PTPRG: variants seen among roughly 807,000 people sequenced by gnomAD.
PTPRG encodes protein tyrosine phosphatase receptor type G, also known as receptor-type tyrosine-protein phosphatase gamma.
Under a neutral mutation model 165.3 loss-of-function variants are expected in PTPRG, and 102 were observed. The observed-to-expected ratio is 0.62, with a 90% CI of 0.53 to 0.73. The LOEUF is 0.73. Among genes scored for constraint, PTPRG ranks in the 30% least tolerant of loss-of-function variants. The pLI is 0.00. For synonymous variants in PTPRG, 675 were observed against 669.5 expected (o/e 1.01, Z -0.13); for missense variants, 1,866 against 1,861.4 (o/e 1.00, Z -0.05).
In PTPRG at chr3:61,667,088, C is replaced by T. The variant is rs1034010062; in HGVS notation, c.86-81790C>T. On this transcript the variant is annotated intron_variant, in intron 1 of 29. Transcript: ENST00000474889. ...GTTCCTTCCTGTTGCCTTACAGCAG[C>T]AGTAATTGCTTTAGGATGGGCTTGG... is the stretch of plus-strand genomic sequence containing the variant. 7.9e-5 allele frequency among the ~76,000 whole-genome samples: 12 copies of T among 152,286 alleles called. No individual in the cohort carries two copies. In the South Asian group the frequency reaches 2.3e-3, roughly 29 times the overall value.
At chr3:61,772,665 T>G (rs1366011397) in intron 2 of PTPRG, among the ~76,000 whole-genome samples, 1 of 152,152 alleles carries the variant, frequency 6.6e-6, no homozygotes, top group Non-Finnish European at 1.5e-5. Context: ...AAAATCCATG[T>G]TTTTAAAAAT....
chr3:61,976,256 A>G (rs758594572), intron 2 of PTPRG, among the ~76,000 whole-genome samples: 10 of 152,230 alleles, frequency 6.6e-5, no homozygotes, highest in Non-Finnish European at 1.2e-4. Context: ...GGAGAGTTCT[A>G]TCTTTAGCCC....
At chr3:62,290,363 G>T (rs1470846802) in intron 28 of PTPRG, among the ~76,000 whole-genome samples, 2 of 152,064 alleles carry the variant, frequency 1.3e-5, no homozygotes, top group Non-Finnish European at 2.9e-5. Context: ...TAACAATCTG[G>T]TTTCAAAATT....
At chr3:61,581,912 G>T (rs553216764) in intron 1 of PTPRG, among the ~76,000 whole-genome samples, 2 of 151,504 alleles carry the variant, frequency 1.3e-5, no homozygotes, top group Non-Finnish European at 2.9e-5. Flanking sequence ...CTGGCATATA[G>T]GTCCTTCTTT....
At chr3:61,939,470 G>A (rs907080732) in intron 2 of PTPRG, among the ~76,000 whole-genome samples, 8 of 152,164 alleles carry the variant, frequency 5.3e-5, no homozygotes, top group African/African-American at 1.9e-4. Context: ...TGTCATCCTA[G>A]GAAAATGCCA....
chr3:61,906,625 A>G (rs976649011), intron 2 of PTPRG, among the ~76,000 whole-genome samples: 1 of 152,104 alleles, frequency 6.6e-6, no homozygotes. Flanking sequence ...AGTAAAAAAT[A>G]AAAACCTAAC....
At chr3:61,637,309 G>A (rs764165258) in intron 1 of PTPRG, among the ~76,000 whole-genome samples, 1 of 152,130 alleles carries the variant, frequency 6.6e-6, no homozygotes, top group Non-Finnish European at 1.5e-5. Flanking sequence ...CTTATTATCA[G>A]AATGACCTTT....
intron 1 of PTPRG, among the ~76,000 whole-genome samples, chr3:61,567,068 C>A (rs1699930616): frequency 6.6e-6 from 1 of 152,150 alleles, no homozygotes; most frequent in Admixed American, 6.5e-5. Context: ...CAGAAATTAG[C>A]CCTTGGTTTG....
At chr3:62,024,515 G>A (rs1161489587) in intron 4 of PTPRG, among the ~76,000 whole-genome samples, 1 of 152,122 alleles carries the variant, frequency 6.6e-6, no homozygotes, top group African/African-American at 2.4e-5. Flanking sequence ...ATCACGCTTA[G>A]GTAGCCTGCA....
chr3:61,782,749 C>G (rs186763752), intron 2 of PTPRG, among the ~76,000 whole-genome samples: 1 of 152,258 alleles, frequency 6.6e-6, no homozygotes, highest in African/African-American at 2.4e-5. Flanking sequence ...TATGCTCTTT[C>G]ATTCATGGTA....
intron 20 of PTPRG, among the ~76,000 whole-genome samples, chr3:62,270,709 T>TC (rs1702031495): frequency 6.6e-6 from 1 of 151,988 alleles, no homozygotes; most frequent in African/African-American, 2.4e-5. Context: ...CCCTGAGTCA[T>TC]CCAAAAAAAA....
chr3:61,843,347 A>G (rs1474174156), intron 2 of PTPRG, among the ~76,000 whole-genome samples: 1 of 152,204 alleles, frequency 6.6e-6, no homozygotes, highest in Non-Finnish European at 1.5e-5. Flanking sequence ...ATTATATTGT[A>G]TATATACACA....
chr3:62,167,400 A>G (rs1440783220), intron 7 of PTPRG, among the ~76,000 whole-genome samples: 1 of 152,232 alleles, frequency 6.6e-6, no homozygotes, highest in Non-Finnish European at 1.5e-5. Flanking sequence ...CTCTTATGAT[A>G]TACTAGGAAC....
intron 2 of PTPRG, among the ~76,000 whole-genome samples, chr3:61,916,367 A>C (rs1258339731): frequency 1.3e-5 from 2 of 152,180 alleles, no homozygotes; most frequent in African/African-American, 4.8e-5. Flanking sequence ...ATAGTTATAA[A>C]TTGATTTTGA....
intron 2 of PTPRG, among the ~76,000 whole-genome samples, chr3:61,752,785 C>CAAAAAAAAAAAAAAAAAAAAAAAAAA (rs749817659): frequency 2.9e-5 from 2 of 69,992 alleles, no homozygotes; most frequent in Non-Finnish European, 5.0e-5. Flanking sequence ...AAGACTGTCT[C>CAAAAAAAAAAAAAAAAAAAAAAAAAA]AAAAAAAAAA....
intron 1 of PTPRG, among the ~76,000 whole-genome samples, chr3:61,686,638 TA>T (rs1288843752): frequency 2.0e-5 from 3 of 152,184 alleles, no homozygotes; most frequent in Non-Finnish European, 2.9e-5. Flanking sequence ...GGATTGGAAA[TA>T]ACCTGACAGC....
chr3:61,687,312 G>T (rs1431170231), intron 1 of PTPRG, among the ~76,000 whole-genome samples: 1 of 152,246 alleles, frequency 6.6e-6, no homozygotes, highest in African/African-American at 2.4e-5. Context: ...GGTGCCCATA[G>T]ATTCAGATAA....
At chr3:61,647,722 G>A (rs1162911349) in intron 1 of PTPRG, among the ~76,000 whole-genome samples, 1 of 137,300 alleles carries the variant, frequency 7.3e-6, no homozygotes, top group African/African-American at 2.6e-5. Context: ...AACCTGGGAG[G>A]CGGAGCTTGC....
rs562022106 is a variant in PTPRG at position 61,574,926 on chromosome 3, A to G, written c.85+12554A>G. ...GTGACTCGGGCTTGCCAGAATGAGA[A>G]CTCAGTCACTGCCTCGAGAATGGCA... On this transcript the variant is annotated intron_variant, in intron 1 of 29. Transcript: ENST00000474889. Among the ~76,000 whole-genome samples the G allele has an allele frequency of 6.6e-5, 10 of 152,218 alleles. No individual in the cohort carries two copies. In the East Asian group the frequency reaches 1.7e-3, roughly 26 times the overall value.
Sources: gnomAD v4.1 joint callset for allele counts (sites outside exome capture counted in the v4.1 genomes callset) on GRCh38, gnomAD v4.1.1 for gene constraint, MANE v1.5 for transcripts, NCBI Gene and HGNC (gene_info 2026-07-23, HGNC 2026-07-21) for gene names.